Variants in SAXO4 observed in about 807,000 individuals in gnomAD.
The protein encoded by SAXO4 is protein phosphatase 1 regulatory subunit 32.
At chr11:61,482,932 G>T in the SAXO4 span, 1 of 1,003,636 alleles carries the variant, frequency 1.0e-6, no homozygotes, top group Non-Finnish European at 1.4e-6. Flanking sequence ...TAGGGATGGG[G>T]TCCACTCATC....
chr11:61,489,953 C>T, the SAXO4 span: 1 of 1,606,202 alleles, frequency 6.2e-7, no homozygotes, highest in Non-Finnish European at 8.5e-7. Flanking sequence ...GAAGGTGGCA[C>T]CACCCCCAGC....
chr11:61,487,988 CT>C, the SAXO4 span, among the ~76,000 whole-genome samples: 986 of 133,172 alleles, frequency 7.4e-3, 8 homozygotes, highest in South Asian at 0.03. Flanking sequence ...TCTTCTTCTT[CT>C]TTTTTTTTTT....
chr11:61,481,673 C>G, the SAXO4 span: 1 of 534,924 alleles, frequency 1.9e-6, no homozygotes, highest in South Asian at 2.7e-5. Context: ...AGACAGAGGC[C>G]TGGGAGAAGG....
At chr11:61,481,774 C>T in the SAXO4 span, 1 of 1,312,794 alleles carries the variant, frequency 7.6e-7, no homozygotes, top group Non-Finnish European at 1.0e-6. Context: ...CCCGTGCTTC[C>T]TTTCTAGGCC....
At chr11:61,482,539 G>A in the SAXO4 span, 1 of 1,568,360 alleles carries the variant, frequency 6.4e-7, no homozygotes, top group Non-Finnish European at 8.8e-7. Flanking sequence ...GGTCCTGGGT[G>A]ACTCAGGGCA....
At chr11:61,481,400 T>C in the SAXO4 span, among the ~76,000 whole-genome samples, 1 of 152,124 alleles carries the variant, frequency 6.6e-6, no homozygotes, top group Non-Finnish European at 1.5e-5. Flanking sequence ...TAGTGGGTTG[T>C]CGGCTCATTC....
the SAXO4 span, among the ~76,000 whole-genome samples, chr11:61,487,748 G>A: frequency 6.6e-6 from 1 of 152,188 alleles, no homozygotes; most frequent in African/African-American, 2.4e-5. Context: ...GTGCGAGGGA[G>A]TCTGGAGCAG....
chr11:61,490,578 G>A, the SAXO4 span: 3 of 1,613,234 alleles, frequency 1.9e-6, no homozygotes, highest in Non-Finnish European at 2.5e-6. Context: ...TGAGCCCTGA[G>A]CCCTTGGTAA....
At chr11:61,489,069 G>A in the SAXO4 span, 1 of 152,556 alleles carries the variant, frequency 6.6e-6, no homozygotes, top group Admixed American at 6.5e-5. Context: ...TAAACCCTGA[G>A]GCTCAGAGGG....
At chr11:61,481,948 C>A in the SAXO4 span, 1 of 1,451,758 alleles carries the variant, frequency 6.9e-7, no homozygotes, top group Non-Finnish European at 9.5e-7. Context: ...GGAGCCTCTG[C>A]TAGGACATGG....
the SAXO4 span, chr11:61,482,440 A>G: frequency 6.2e-7 from 1 of 1,608,532 alleles, no homozygotes; most frequent in Non-Finnish European, 8.5e-7. Flanking sequence ...TACGGTCTGT[A>G]TGGCCCCTTC....
At chr11:61,485,764 G>T in the SAXO4 span, 11 of 1,561,502 alleles carry the variant, frequency 7.0e-6, no homozygotes, top group Non-Finnish European at 8.8e-6. Flanking sequence ...GGTGGGCCAG[G>T]TGGCCTGGCA....
chr11:61,485,841 G>C, the SAXO4 span: 1 of 1,614,008 alleles, frequency 6.2e-7, no homozygotes, highest in Admixed American at 1.7e-5. Flanking sequence ...GAGGGGAGTG[G>C]CTTCACCAAA....
chr11:61,485,797 A>G, the SAXO4 span: 1 of 1,612,616 alleles, frequency 6.2e-7, no homozygotes, highest in Non-Finnish European at 8.5e-7. Flanking sequence ...TTTCTTTTGC[A>G]GATTTCTTGC....
chr11:61,482,308 C>A, the SAXO4 span: 12 of 1,613,546 alleles, frequency 7.4e-6, no homozygotes, highest in Admixed American at 3.3e-5. Flanking sequence ...ACCCCTCTGG[C>A]AGGTCGGGAG....
At chr11:61,481,877 A>T in the SAXO4 span, 4 of 1,571,548 alleles carry the variant, frequency 2.5e-6, no homozygotes, top group Non-Finnish European at 3.4e-6. Context: ...GGCTACACGG[A>T]CCCCCTGAAA....
the SAXO4 span, chr11:61,482,671 C>T: frequency 1.2e-6 from 2 of 1,614,074 alleles, no homozygotes; most frequent in Non-Finnish European, 1.7e-6. Flanking sequence ...AGCCCAGGAC[C>T]ATTTCCAGTC....
the SAXO4 span, chr11:61,482,234 G>T: frequency 1.1e-5 from 15 of 1,340,074 alleles, no homozygotes; most frequent in African/African-American, 2.1e-4. Context: ...TGTGCCCCTC[G>T]GAGGACGCTG....
At chr11:61,485,992 G>A in the SAXO4 span, 1 of 976,234 alleles carries the variant, frequency 1.0e-6, no homozygotes, top group Non-Finnish European at 1.6e-6. Flanking sequence ...CCTAAAGAAT[G>A]TGAGCTGCAG....
Sources: gnomAD v4.1 joint callset for allele counts (sites outside exome capture counted in the v4.1 genomes callset) on GRCh38, gnomAD v4.1.1 for gene constraint, MANE v1.5 for transcripts, NCBI Gene and HGNC (gene_info 2026-07-23, HGNC 2026-07-21) for gene names.